The following GAK variants were observed in gnomAD, a reference collection of about 807,000 sequenced individuals.
The protein encoded by GAK is cyclin-G-associated kinase.
In GAK, 79 loss-of-function variants were observed where a neutral mutation model predicts 143.9. The ratio of observed to expected loss-of-function variants is 0.55; its 90% CI spans 0.46 to 0.66. GAK has a LOEUF of 0.66. Ranked by LOEUF, GAK falls within the 30% of genes least tolerant of loss-of-function variation. GAK has a pLI of 0.00. For missense variants in GAK, 1,693 were observed against 1,779.7 expected (o/e 0.95, Z 0.88); for synonymous variants, 881 against 765.5 (o/e 1.15, Z -2.49).
intron 1 of GAK, among the ~76,000 whole-genome samples, chr4:928,165 C>G (rs1725147695): frequency 2.0e-5 from 3 of 152,224 alleles, no homozygotes; most frequent in African/African-American, 7.2e-5. Context: ...TCAAGTGATT[C>G]TCCTGCCTCA....
chr4:862,412 G>C (rs571502336), intron 23 of GAK, among the ~76,000 whole-genome samples: 51 of 152,346 alleles, frequency 3.3e-4, no homozygotes, highest in African/African-American at 1.1e-3. Flanking sequence ...TGTAATCCCA[G>C]CACTTTGGGA....
intron 23 of GAK, 65 bp downstream of exon 23, chr4:865,057 A>C: frequency 6.4e-7 from 1 of 1,574,636 alleles, no homozygotes; most frequent in East Asian, 2.3e-5. Context: ...GGTACGTGTG[A>C]AATAGAGACG....
chr4:868,284 T>C (rs1198088639), intron 20 of GAK, among the ~76,000 whole-genome samples: 3 of 152,042 alleles, frequency 2.0e-5, no homozygotes, highest in African/African-American at 7.3e-5. Context: ...GCCCACAGAC[T>C]GGGATGAAGA....
chr4:849,916 C>G lies in GAK; in HGVS notation c.3810G>C (p.Ala1270=). The G allele has an allele frequency of 1.2e-6, 2 of 1,609,604 alleles. No homozygotes were observed. Among genetic ancestry groups the G allele is most frequent in the East Asian group, 2.2e-5 (1 of 44,716 alleles). The change falls in exon 27 of 28, where the codon GCG becomes GCC. Residue 1270 remains alanine (A), a synonymous_variant. Transcript: ENST00000314167. ...CCTTGTCGGGGTGCACAGCCAGCAC[C>G]GCGCGGCGATAGTGCTTCTTCACTT... is the stretch of plus-strand genomic sequence containing the variant. ...PEQVKKHYRR[A]VLAVHPDKAA...
At position 850,065 on chromosome 4, in the gene GAK, G is replaced by A. The variant is rs1254171367; in HGVS notation, c.3661C>T (p.Leu1221=). The part of the protein sequence containing the change: ...KDTDPLKLKL[L]DWIEGKERNI... The stretch of plus-strand genomic sequence containing the variant: ...CGCTCCTTGCCCTCAATCCAGTCCA[G>A]GAGCTGCGGGAGACACGGAGCTTGC... Residue 1221 remains leucine, a synonymous_variant, in exon 27 of 28, where the codon CTG becomes TTG. Transcript: ENST00000314167. 6.4e-7 allele frequency: 1 copy of A among 1,568,892 alleles called. No individual in the cohort carries two copies. Among genetic ancestry groups the A allele is most frequent in the Non-Finnish European group, 8.7e-7 (1 of 1,149,790 alleles).
At chr4:881,036 C>T (rs1384374363) in intron 15 of GAK, among the ~76,000 whole-genome samples, 1 of 152,218 alleles carries the variant, frequency 6.6e-6, no homozygotes, top group Non-Finnish European at 1.5e-5. Context: ...CAATGATCTC[C>T]TCCCCCCAAG....
At chr4:860,042 T>G (rs1269852636) in intron 23 of GAK, among the ~76,000 whole-genome samples, 1 of 152,226 alleles carries the variant, frequency 6.6e-6, no homozygotes. Context: ...TTCAGGATAC[T>G]CTTTATAATA....
rs749372798 is a variant in GAK at position 890,608 on chromosome 4, A to G, written c.1005T>C (p.Asn335=). Residue 335 remains asparagine (N), a synonymous_variant, in exon 10 of 28, where the codon AAT becomes AAC. Transcript: ENST00000314167. ...KSPITELLEQ[N]GGYGSATLSR... ...ACAGTGTGGCGCTCCCGTAGCCTCC[A>G]TTCTGCTCCAGGAGCTGTGACAATG... The G allele has an allele frequency of 3.6e-5, 58 of 1,611,348 alleles. No individual in the cohort carries two copies. The highest frequency in any genetic ancestry group is 4.7e-5 in the Non-Finnish European group (55 of 1,179,510).
chr4:849,948 G>C lies in GAK; in HGVS notation c.3778C>G (p.Pro1260Ala). The change falls in exon 27 of 28, where the codon CCG becomes GCG. Residue 1260 changes from proline to alanine, a missense_variant. By Grantham distance (27) the Pro-to-Ala change is conservative. Transcript: ENST00000314167. ...TPVGMADLVAPEQVKKHYRRA... is the reference protein window; with the variant it reads ...TPVGMADLVAAEQVKKHYRRA... ...CGATAGTGCTTCTTCACTTGCTCCGGAGCCACCAGGTCGGCCATGCCCACG... is the reference window on the plus strand; with the variant it reads ...CGATAGTGCTTCTTCACTTGCTCCGCAGCCACCAGGTCGGCCATGCCCACG... 1 of 1,611,746 alleles carries C rather than the reference G, an allele frequency of 6.2e-7. No homozygotes were observed. The highest frequency in any genetic ancestry group is 8.5e-7 in the Non-Finnish European group (1 of 1,179,358).
At chr4:889,012 C>A in intron 10 of GAK, 42 bp from the exon 11 acceptor site, 2 of 1,584,366 alleles carry the variant, frequency 1.3e-6, no homozygotes, top group South Asian at 1.1e-5. Flanking sequence ...GGTGCTCGGT[C>A]CCACCTCCCC....
At chr4:865,505 C>T (rs3775136) in intron 22 of GAK, among the ~76,000 whole-genome samples, 5,307 of 152,064 alleles carry the variant, frequency 0.035, 194 homozygotes, top group East Asian at 0.19. Context: ...TGCGCATTCC[C>T]ATCCAAAAGG....
At chr4:865,338 G>A (rs1039738817) in intron 22 of GAK, 94 bp from the exon 23 acceptor site, 29 of 1,517,588 alleles carry the variant, frequency 1.9e-5, no homozygotes, top group Admixed American at 5.3e-5. Flanking sequence ...CCCTAGGAGC[G>A]GACACCTCTT....
chr4:928,878 C>G (rs965138085), intron 1 of GAK, among the ~76,000 whole-genome samples: 18 of 152,196 alleles, frequency 1.2e-4, no homozygotes, highest in African/African-American at 4.1e-4. Flanking sequence ...ATTCTCCTGC[C>G]TCAGCCTCCT....
intron 10 of GAK, among the ~76,000 whole-genome samples, chr4:889,726 G>A (rs1402212755): frequency 6.6e-6 from 1 of 152,200 alleles, no homozygotes; most frequent in Non-Finnish European, 1.5e-5. Flanking sequence ...AGGTCGGGAG[G>A]GGTCAGCGCC....
At chr4:861,413 C>T (rs1297547797) in intron 23 of GAK, among the ~76,000 whole-genome samples, 1 of 152,048 alleles carries the variant, frequency 6.6e-6, no homozygotes, top group African/African-American at 2.4e-5. Context: ...AACACGGACC[C>T]CATCTCTACA....
At chr4:914,098 C>T (rs1722547859) in intron 1 of GAK, 1 of 172,828 alleles carries the variant, frequency 5.8e-6, no homozygotes, top group Non-Finnish European at 9.7e-6. Flanking sequence ...CACGGCCCCA[C>T]ACACACAGCC....
In GAK at chr4:868,651, C is replaced by T. The variant is rs1223536526; in HGVS notation, c.2283G>A (p.Thr761=). 2.1e-5 allele frequency: 32 copies of T among 1,559,392 alleles called. No individual in the cohort carries two copies. The highest frequency in any genetic ancestry group is 2.7e-5 in the African/African-American group (2 of 73,304). ...KPELPRQPGS[T]AQYDAGAGSP... ...ACCCTGCCCCAGCATCATACTGAGC[C>T]GTGGAGCCAGGCTGCCGGGGAAGCT... The change falls in exon 20 of 28, where the codon ACG becomes ACA. Residue 761 remains threonine (T), a synonymous_variant. Coordinates refer to ENST00000314167, the MANE Select transcript of GAK (RefSeq NM_005255.4).
At chr4:865,300 G>T in intron 22 of GAK, 56 bp from the exon 23 acceptor site, 1 of 1,607,764 alleles carries the variant, frequency 6.2e-7, no homozygotes, top group Non-Finnish European at 8.5e-7. Flanking sequence ...GCAGGCAAAT[G>T]TGGCGGGGCG....
At chr4:930,492 A>C (rs754758) in intron 1 of GAK, among the ~76,000 whole-genome samples, 91,264 of 148,448 alleles carry the variant, frequency 0.61, 28,525 homozygotes, top group East Asian at 0.78. Flanking sequence ...CCCTCCCACC[A>C]AGATCCGTGC....
Sources: gnomAD v4.1 joint callset for allele counts (sites outside exome capture counted in the v4.1 genomes callset) on GRCh38, gnomAD v4.1.1 for gene constraint, MANE v1.5 for transcripts, NCBI Gene and HGNC (gene_info 2026-07-23, HGNC 2026-07-21) for gene names.